Variants in SUSD4 observed in about 807,000 individuals in gnomAD.
The protein encoded by SUSD4 is sushi domain containing 4, also known as sushi domain-containing protein 4.
SUSD4 carries 41 observed loss-of-function variants against 50.5 expected under a neutral mutation model. The ratio of observed to expected loss-of-function variants is 0.81; its 90% CI spans 0.63 to 1.05. The LOEUF (loss-of-function observed/expected upper bound fraction) is 1.05. Among genes scored for constraint, SUSD4 ranks in the 50% least tolerant of loss-of-function variants. SUSD4 has a pLI of 0.00. For synonymous variants in SUSD4, 257 were observed against 257.3 expected, an observed-to-expected ratio of 1.00 and a Z score of 0.01; for missense variants, 580 against 634.7, an observed-to-expected ratio of 0.91 and a Z score of 0.93.
intron 5 of SUSD4, among the ~76,000 whole-genome samples, chr1:223,257,028 A>G (rs1366736612): frequency 6.6e-6 from 1 of 152,234 alleles, no homozygotes; most frequent in Non-Finnish European, 1.5e-5. Flanking sequence ...TGCTTGGCAT[A>G]GAGTAGGCAT....
Position 223,255,015 on chromosome 1 carries a change from A to C in SUSD4, c.724+9615T>G, listed in dbSNP as rs139212941. On this transcript the variant is annotated intron_variant, in intron 5 of 8. Transcript: ENST00000366878. Reference sequence around the variant, plus strand: ...AAAACACCCACCAGGGTCACAGGCAAGGTGATAGTAACACGAACAGCACCA... The same window carrying C: ...AAAACACCCACCAGGGTCACAGGCACGGTGATAGTAACACGAACAGCACCA... 4.0e-3 allele frequency among the ~76,000 whole-genome samples: 602 copies of C among 152,336 alleles called. 4 individuals carry two copies. Among genetic ancestry groups the C allele is most frequent in the African/African-American group, 0.013 (553 of 41,568 alleles).
At chr1:223,290,952 A>G (rs904793500) in intron 3 of SUSD4, among the ~76,000 whole-genome samples, 1 of 148,040 alleles carries the variant, frequency 6.8e-6, no homozygotes, top group Non-Finnish European at 1.5e-5. Flanking sequence ...GTCTATATAC[A>G]TATATATATA....
intron 5 of SUSD4, among the ~76,000 whole-genome samples, chr1:223,254,117 G>A (rs567468521): frequency 1.5e-4 from 23 of 152,306 alleles, no homozygotes; most frequent in African/African-American, 4.8e-4. Context: ...TGCAAGCCCC[G>A]GGACAGGCGA....
chr1:223,320,815 G>C (rs1666530162), intron 2 of SUSD4, among the ~76,000 whole-genome samples: 1 of 152,198 alleles, frequency 6.6e-6, no homozygotes, highest in Non-Finnish European at 1.5e-5. Context: ...GCCCCAAGCT[G>C]AGGACCTGGC....
intron 2 of SUSD4, among the ~76,000 whole-genome samples, chr1:223,338,471 G>A (rs1667576530): frequency 6.6e-6 from 1 of 152,192 alleles, no homozygotes; most frequent in South Asian, 2.1e-4. Flanking sequence ...ATGCTTTGGA[G>A]TTTCTATCTC....
At chr1:223,234,592 T>C (rs1031219363) in intron 5 of SUSD4, among the ~76,000 whole-genome samples, 18 of 152,206 alleles carry the variant, frequency 1.2e-4, no homozygotes, top group African/African-American at 3.9e-4. Context: ...TGTCCACTTC[T>C]CTCCTGTTGG....
In SUSD4 at chr1:223,227,776, AG is replaced by A; in HGVS notation, c.917-39del. ...GAACAAAGCTGTACGTGAGGCTCCC[AG>A]ACCATGAGAGGTGCCGAGGTTCCCC... is the stretch of plus-strand genomic sequence containing the variant. On this transcript the variant is annotated intron_variant, in intron 6 of 8. Coordinates refer to ENST00000366878, the MANE Select transcript of SUSD4 (RefSeq NM_017982.4). This position sits in a 1 kb window ranked among gnomAD's most constrained non-coding sequence, Gnocchi z 4.5. 6.4e-7 allele frequency: 1 copy of A among 1,570,474 alleles called. No individual in the cohort carries two copies. Among genetic ancestry groups the A allele is most frequent in the Non-Finnish European group, 8.7e-7 (1 of 1,152,240 alleles).
intron 2 of SUSD4, among the ~76,000 whole-genome samples, chr1:223,317,228 CT>C (rs1264738152): frequency 3.3e-5 from 5 of 152,202 alleles, no homozygotes; most frequent in African/African-American, 1.2e-4. Context: ...AGAGTGGTCT[CT>C]GGTCATCCTC....
intron 5 of SUSD4, among the ~76,000 whole-genome samples, chr1:223,234,563 T>C (rs1455092656): frequency 6.6e-6 from 1 of 152,218 alleles, no homozygotes; most frequent in Non-Finnish European, 1.5e-5. Flanking sequence ...GTTTTCACAA[T>C]AAACCAGAGG....
chr1:223,363,778 C>T, intron 1 of SUSD4: 1 of 223,618 alleles, frequency 4.5e-6, no homozygotes, highest in East Asian at 1.0e-4. Flanking sequence ...AAGTCTAGAG[C>T]CTCCCCGCGT....
chr1:223,302,151 C>T (rs1665237253), intron 2 of SUSD4, among the ~76,000 whole-genome samples: 2 of 152,134 alleles, frequency 1.3e-5, no homozygotes, highest in South Asian at 2.1e-4. Context: ...GCTCCAGCCA[C>T]GTAAGATGTG....
intron 3 of SUSD4, among the ~76,000 whole-genome samples, chr1:223,279,285 G>A (rs1663515917): frequency 6.6e-6 from 1 of 152,152 alleles, no homozygotes; most frequent in Non-Finnish European, 1.5e-5. Context: ...AGCTAAAGGA[G>A]GAAGTTCAAA....
At chr1:223,228,010 C>G (rs562694992) in intron 6 of SUSD4, among the ~76,000 whole-genome samples, 1 of 152,340 alleles carries the variant, frequency 6.6e-6, no homozygotes, top group South Asian at 2.1e-4. Context: ...AGGCCTGGCA[C>G]AGGCTTAAAT....
rs1320741857 is a variant in SUSD4, at chr1:223,223,321, C to G, written c.1372G>C (p.Asp458His). ...RCQESTHPAS[D>H]NPDIIASTAE... ...GTGCTGGCAATTATGTCAGGGTTGT[C>G]CGAAGCAGGGTGGGTGCTCTCTTGG... Residue 458 changes from aspartate (D) to histidine (H), a missense_variant, in exon 8 of 9, where the codon GAC becomes CAC. Asp to His is a moderately conservative substitution (Grantham distance 81, BLOSUM62 -1). Transcript: ENST00000366878. 6.2e-7 allele frequency: 1 copy of G among 1,605,430 alleles called. No individual in the cohort carries two copies. The highest frequency in any genetic ancestry group is 8.5e-7 in the Non-Finnish European group (1 of 1,176,342).
At chr1:223,331,411 G>GAA (rs1345708751) in intron 2 of SUSD4, among the ~76,000 whole-genome samples, 1 of 152,130 alleles carries the variant, frequency 6.6e-6, no homozygotes, top group East Asian at 1.9e-4. Context: ...AGCCAGCTGT[G>GAA]AAACCTTGTG....
chr1:223,290,855 A>G lies in SUSD4; in HGVS notation c.361+1584T>C, dbSNP rs564236157. 4.6e-5 allele frequency among the ~76,000 whole-genome samples: 7 copies of G among 152,200 alleles called. No homozygotes were observed. The East Asian group carries it at 1.4e-3, about 29-fold the overall frequency. The stretch of plus-strand genomic sequence containing the variant: ...TCTCTGGGCAATATTTAAGAAGCCT[A>G]TTTTGGTTTTCTCTGTTCTCTGATG... On this transcript the variant is annotated intron_variant, in intron 3 of 8. Transcript: ENST00000366878.
At chr1:223,319,929 T>C (rs1315086989) in intron 2 of SUSD4, among the ~76,000 whole-genome samples, 3 of 152,218 alleles carry the variant, frequency 2.0e-5, no homozygotes, top group Non-Finnish European at 4.4e-5. Context: ...AATCCAGTCG[T>C]ACCACTTATT....
At chr1:223,343,389 GT>G (rs985320798) in intron 2 of SUSD4, among the ~76,000 whole-genome samples, 19 of 152,242 alleles carry the variant, frequency 1.2e-4, no homozygotes, top group African/African-American at 4.3e-4. Flanking sequence ...TTATTGGATT[GT>G]TTATCTCCCC....
intron 3 of SUSD4, among the ~76,000 whole-genome samples, chr1:223,280,255 A>C (rs1663608101): frequency 6.6e-6 from 1 of 152,206 alleles, no homozygotes; most frequent in African/African-American, 2.4e-5. Context: ...TTACATGTAA[A>C]TGGGCTAAAT....
Sources: allele counts gnomAD v4.1 joint callset (sites outside exome capture counted in the v4.1 genomes callset), GRCh38; gene constraint gnomAD v4.1.1; non-coding constraint Gnocchi (gnomAD v3.1); transcripts MANE v1.5; gene names NCBI Gene and HGNC (gene_info 2026-07-23, HGNC 2026-07-21).